KIAA1958: variants seen among roughly 807,000 people sequenced by gnomAD.
KIAA1958 encodes KIAA1958, also known as uncharacterized protein KIAA1958.
In KIAA1958, 14 loss-of-function variants were observed where a neutral mutation model predicts 47.2. The observed-to-expected ratio is 0.30, with a 90% CI of 0.20 to 0.46. The LOEUF is 0.46. Among genes scored for constraint, KIAA1958 ranks in the 20% least tolerant of loss-of-function variants. KIAA1958 has a pLI of 1.00. For missense variants in KIAA1958, 803 were observed against 909.2 expected (o/e 0.88, Z 1.50); for synonymous variants, 354 against 353.3 (o/e 1.00, Z -0.02).
chr9:112,644,187 CAAACAAACAAA>C (rs1483028614), intron 2 of KIAA1958, among the ~76,000 whole-genome samples: 43 of 75,634 alleles, frequency 5.7e-4, no homozygotes, highest in African/African-American at 1.7e-3. Flanking sequence ...CAAAAACAAA[CAAACAAACAAA>C]AAACAAAAAA....
At chr9:112,641,036 C>A (rs2131239026) in intron 2 of KIAA1958, among the ~76,000 whole-genome samples, 1 of 152,146 alleles carries the variant, frequency 6.6e-6, no homozygotes, top group South Asian at 2.1e-4. Context: ...AATATACAGT[C>A]CTTTAACAAT....
chr9:112,539,682 AT>A (rs976567243), intron 1 of KIAA1958, among the ~76,000 whole-genome samples: 22 of 150,116 alleles, frequency 1.5e-4, no homozygotes, highest in African/African-American at 4.9e-4. Context: ...ATATATATAT[AT>A]TTTTTTTGCG....
chr9:112,600,285 G>A (rs1415649508), intron 2 of KIAA1958, among the ~76,000 whole-genome samples: 1 of 152,042 alleles, frequency 6.6e-6, no homozygotes, highest in Non-Finnish European at 1.5e-5. Flanking sequence ...TTCACCTAAT[G>A]TTGCATCTCC....
chr9:112,525,720 C>G (rs1367683138), intron 1 of KIAA1958, among the ~76,000 whole-genome samples: 6 of 151,808 alleles, frequency 4.0e-5, no homozygotes, highest in African/African-American at 1.5e-4. Flanking sequence ...TTTACTTTCT[C>G]TGAATGAGAA....
intron 1 of KIAA1958, among the ~76,000 whole-genome samples, chr9:112,512,129 T>C (rs932795156): frequency 2.0e-5 from 3 of 152,178 alleles, no homozygotes. Context: ...ATTCTAACTC[T>C]TCTAGGAAAT....
chr9:112,502,552 A>G (rs4246891), intron 1 of KIAA1958, among the ~76,000 whole-genome samples: 125,146 of 152,186 alleles, frequency 0.82, 52,039 homozygotes, highest in African/African-American at 0.92. Context: ...CCTGCTTTCC[A>G]TGATTATCAC....
rs143250605 is a variant in KIAA1958, at chr9:112,558,149, C to T, written c.-24-15908C>T. On this transcript the variant is annotated intron_variant, in intron 1 of 3. Coordinates refer to ENST00000337530, the MANE Select transcript of KIAA1958 (RefSeq NM_133465.4). Reference sequence around the variant, plus strand: ...CTGAGGCAGGGGAATCGCTTGAACCCGGGAGGCGGAAATTACAGTGAACCG... The same window carrying T: ...CTGAGGCAGGGGAATCGCTTGAACCTGGGAGGCGGAAATTACAGTGAACCG... Among the ~76,000 whole-genome samples the T allele has an allele frequency of 5.8e-3, 888 of 151,944 alleles. 3 individuals carry two copies. The highest frequency in any genetic ancestry group is 0.014 in the African/African-American group (587 of 41,438).
At chr9:112,602,211 A>G (rs772606166) in intron 2 of KIAA1958, among the ~76,000 whole-genome samples, 1 of 152,222 alleles carries the variant, frequency 6.6e-6, no homozygotes, top group Non-Finnish European at 1.5e-5. Flanking sequence ...TAAAGTAAAT[A>G]TAGCTTACTG....
At chr9:112,601,643 A>T (rs958709636) in intron 2 of KIAA1958, among the ~76,000 whole-genome samples, 1 of 152,164 alleles carries the variant, frequency 6.6e-6, no homozygotes, top group Non-Finnish European at 1.5e-5. Flanking sequence ...TGATTTAATG[A>T]ATATATGAAG....
chr9:112,669,058 GCGGTCAGTAA>G lies in KIAA1958; in HGVS notation c.*8992_*9001del, dbSNP rs1430530785. 2.6e-5 allele frequency: 4 copies of G among 152,194 alleles called. No individual in the cohort carries two copies. Among genetic ancestry groups the G allele is most frequent in the Non-Finnish European group, 5.9e-5 (4 of 68,028 alleles). The allele number at this position is 152,194 out of a possible 1,614,324, so 9.4% of individuals were successfully genotyped here. ...AACATCATTCTGAACGATGTAGGAA[GCGGTCAGTAA>G]CGTGAATGATGTTATTGTACCGTCT... On this transcript the variant is annotated 3_prime_UTR_variant, in exon 4 of 4. Transcript: ENST00000337530.
At chr9:112,513,029 G>T (rs1214760344) in intron 1 of KIAA1958, among the ~76,000 whole-genome samples, 2 of 139,354 alleles carry the variant, frequency 1.4e-5, no homozygotes, top group African/African-American at 2.7e-5. Context: ...TTTTGAGATG[G>T]AGTCTTGCTC....
In KIAA1958 at chr9:112,664,462, T is replaced by C. The variant is rs530343011; in HGVS notation, c.*4393T>C. Reference sequence around the variant, plus strand: ...TTTAAGCATCAATGAATGCAAACAGTGAAGACCTCAAAGAAGAGTTACCTC... The same window carrying C: ...TTTAAGCATCAATGAATGCAAACAGCGAAGACCTCAAAGAAGAGTTACCTC... On this transcript the variant is annotated 3_prime_UTR_variant, in exon 4 of 4. Transcript: ENST00000337530. The C allele has an allele frequency of 6.6e-6, 1 of 152,334 alleles. No individual in the cohort carries two copies. Among genetic ancestry groups the C allele is most frequent in the South Asian group, 2.1e-4 (1 of 4,832 alleles). The allele number at this position is 152,334 out of a possible 1,614,324, so 9.4% of individuals were successfully genotyped here. A position where few individuals can be genotyped will look rare whatever the true frequency, so the allele number is the denominator to read the frequency against.
At chr9:112,487,637 T>C (rs1213145251) in intron 1 of KIAA1958, among the ~76,000 whole-genome samples, 2 of 152,164 alleles carry the variant, frequency 1.3e-5, no homozygotes, top group Non-Finnish European at 1.5e-5. Context: ...TTGGGGCGTG[T>C]GTGAAGGAAC....
intron 1 of KIAA1958, among the ~76,000 whole-genome samples, chr9:112,540,721 GT>G (rs1033459081): frequency 2.0e-4 from 28 of 142,336 alleles, no homozygotes; most frequent in South Asian, 6.7e-4. Flanking sequence ...TTTCCTTTTT[GT>G]TTTTTTTTTT....
At chr9:112,649,309 C>T (rs1363376322) in intron 3 of KIAA1958, among the ~76,000 whole-genome samples, 2 of 144,760 alleles carry the variant, frequency 1.4e-5, no homozygotes, top group Non-Finnish European at 3.0e-5. Flanking sequence ...AGGCATAAGC[C>T]ACCACACCTG....
At chr9:112,524,332 TAC>T (rs1834604244) in intron 1 of KIAA1958, among the ~76,000 whole-genome samples, 1 of 152,280 alleles carries the variant, frequency 6.6e-6, no homozygotes, top group Non-Finnish European at 1.5e-5. Context: ...AACAGCCATT[TAC>T]AAATTCATGG....
chr9:112,570,554 C>T (rs1472229590), intron 1 of KIAA1958, among the ~76,000 whole-genome samples: 1 of 152,196 alleles, frequency 6.6e-6, no homozygotes, highest in Non-Finnish European at 1.5e-5. Flanking sequence ...AAACTTTTAT[C>T]TTTCACCATT....
chr9:112,640,746 T>G (rs1836877028), intron 2 of KIAA1958, among the ~76,000 whole-genome samples: 1 of 152,218 alleles, frequency 6.6e-6, no homozygotes, highest in Admixed American at 6.5e-5. Context: ...TTTGATTGTG[T>G]TCCAGTGAAT....
chr9:112,494,931 C>T (rs185241809), intron 1 of KIAA1958, among the ~76,000 whole-genome samples: 1 of 152,050 alleles, frequency 6.6e-6, no homozygotes, highest in Admixed American at 6.5e-5. Context: ...GCTGTTCTTC[C>T]ATAGCTTCTA....
Sources: gnomAD v4.1 joint callset for allele counts (sites outside exome capture counted in the v4.1 genomes callset) on GRCh38, gnomAD v4.1.1 for gene constraint, MANE v1.5 for transcripts, NCBI Gene and HGNC (gene_info 2026-07-23, HGNC 2026-07-21) for gene names.